Variants in LRRC37A2 observed in about 807,000 individuals in gnomAD.
LRRC37A2 encodes the protein leucine rich repeat containing 37 member A2.
LRRC37A2 carries 9 observed loss-of-function variants against 68.8 expected under a neutral mutation model. That is an observed-to-expected ratio of 0.13 (90% CI 0.08 to 0.23). The LOEUF (loss-of-function observed/expected upper bound fraction) is 0.23. Ranked by LOEUF, LRRC37A2 falls within the 10% of genes least tolerant of loss-of-function variation. The probability of loss-of-function intolerance (pLI) is 1.00; values close to 1 mark genes in which losing one functional copy is unlikely to be tolerated. For missense variants in LRRC37A2, 168 were observed against 950.4 expected (o/e 0.18, Z 10.82); for synonymous variants, 63 against 367.6 (o/e 0.17, Z 9.48).
chr17:46,816,468 A>AACACAC, the LRRC37A2 span, among the ~76,000 whole-genome samples: 8 of 96,528 alleles, frequency 8.3e-5, no homozygotes, highest in Non-Finnish European at 1.4e-4. Flanking sequence ...ATAGACCCAG[A>AACACAC]ACACACGCAC....
the LRRC37A2 span, among the ~76,000 whole-genome samples, chr17:46,928,177 A>G: frequency 4.6e-5 from 7 of 152,110 alleles, no homozygotes; most frequent in African/African-American, 1.7e-4. Flanking sequence ...TCAGGGCCAC[A>G]GGTCTTGCCT....
chr17:46,767,774 T>A, the LRRC37A2 span, among the ~76,000 whole-genome samples: 1 of 149,624 alleles, frequency 6.7e-6, no homozygotes, highest in East Asian at 2.0e-4. Context: ...CTGAATTTTG[T>A]TTTTTTTTGT....
At chr17:46,771,935 C>T in the LRRC37A2 span, among the ~76,000 whole-genome samples, 1 of 147,014 alleles carries the variant, frequency 6.8e-6, no homozygotes, top group Non-Finnish European at 1.5e-5. Context: ...GCCCGCCGCG[C>T]CGCCGCCGCG....
the LRRC37A2 span, among the ~76,000 whole-genome samples, chr17:46,872,197 C>T: frequency 6.6e-6 from 1 of 152,172 alleles, no homozygotes; most frequent in Admixed American, 6.5e-5. Flanking sequence ...CCCAGAATTG[C>T]CCAGCATGGA....
chr17:46,839,960 CTTTCT>C, the LRRC37A2 span, among the ~76,000 whole-genome samples: 3 of 145,688 alleles, frequency 2.1e-5, no homozygotes, highest in African/African-American at 7.6e-5. Flanking sequence ...TTCTTTCTTT[CTTTCT>C]TTCTTTCTTT....
the LRRC37A2 span, among the ~76,000 whole-genome samples, chr17:46,499,348 A>G: frequency 1.4e-5 from 2 of 146,382 alleles, no homozygotes; most frequent in Admixed American, 6.8e-5. Context: ...TGGGGGGACA[A>G]TGTTACTCTT....
chr17:46,386,041 G>C, the LRRC37A2 span, among the ~76,000 whole-genome samples: 1 of 120,948 alleles, frequency 8.3e-6, no homozygotes, highest in Non-Finnish European at 1.9e-5. Context: ...TTTTGCTGCA[G>C]TATGGTGAAT....
chr17:46,894,142 G>C, the LRRC37A2 span, among the ~76,000 whole-genome samples: 1 of 152,202 alleles, frequency 6.6e-6, no homozygotes, highest in Non-Finnish European at 1.5e-5. Flanking sequence ...AACACTGTTG[G>C]GTTGCGATGG....
At chr17:47,035,689 C>T in the LRRC37A2 span, among the ~76,000 whole-genome samples, 1 of 152,216 alleles carries the variant, frequency 6.6e-6, no homozygotes, top group Non-Finnish European at 1.5e-5. Context: ...AGCAGAATTG[C>T]TAGATCATAT....
At chr17:46,718,784 T>G in the LRRC37A2 span, among the ~76,000 whole-genome samples, 3 of 152,218 alleles carry the variant, frequency 2.0e-5, no homozygotes, top group Non-Finnish European at 4.4e-5. Flanking sequence ...AGATGGTAAT[T>G]TCTGTAAAGT....
the LRRC37A2 span, among the ~76,000 whole-genome samples, chr17:46,972,006 G>A: frequency 6.6e-6 from 1 of 152,210 alleles, no homozygotes; most frequent in African/African-American, 2.4e-5. Context: ...AGAGGGCACA[G>A]GGCACGTGGG....
the LRRC37A2 span, among the ~76,000 whole-genome samples, chr17:46,800,434 C>T: frequency 6.6e-6 from 1 of 152,340 alleles, no homozygotes; most frequent in Admixed American, 6.5e-5. Flanking sequence ...CCTAACTGTG[C>T]TCCTGCAACA....
At chr17:46,847,821 T>C in the LRRC37A2 span, among the ~76,000 whole-genome samples, 118 of 152,240 alleles carry the variant, frequency 7.8e-4, no homozygotes, top group South Asian at 2.7e-3. Flanking sequence ...CAAAGGCGGA[T>C]GGTTCCTGAG....
chr17:46,902,860 C>T, the LRRC37A2 span, among the ~76,000 whole-genome samples: 1 of 152,178 alleles, frequency 6.6e-6, no homozygotes, highest in Non-Finnish European at 1.5e-5. Context: ...CATGACTCAC[C>T]TAAGCCAGGT....
At chr17:46,752,240 T>C in the LRRC37A2 span, among the ~76,000 whole-genome samples, 1 of 152,198 alleles carries the variant, frequency 6.6e-6, no homozygotes, top group East Asian at 1.9e-4. Flanking sequence ...TCTTTGGGAC[T>C]TTCTCATATC....
chr17:46,809,500 C>CGCAGTTTT, the LRRC37A2 span, among the ~76,000 whole-genome samples: 1 of 152,186 alleles, frequency 6.6e-6, no homozygotes, highest in Non-Finnish European at 1.5e-5. Flanking sequence ...ACTCAGTCCT[C>CGCAGTTTT]GCAGTTTTTC....
chr17:46,771,419 G>A, the LRRC37A2 span, among the ~76,000 whole-genome samples: 6 of 151,196 alleles, frequency 4.0e-5, no homozygotes, highest in African/African-American at 1.5e-4. Flanking sequence ...CTCGTTTCCG[G>A]CCGGCCTGCG....
At chr17:46,457,930 A>AAC in the LRRC37A2 span, among the ~76,000 whole-genome samples, 6,778 of 40,088 alleles carry the variant, frequency 0.17, 740 homozygotes, top group Admixed American at 0.33. Context: ...TCATAAGGAA[A>AAC]ACACACACAC....
At chr17:46,716,305 G>A in the LRRC37A2 span, among the ~76,000 whole-genome samples, 3 of 148,886 alleles carry the variant, frequency 2.0e-5, no homozygotes, top group African/African-American at 7.4e-5. Flanking sequence ...CGCCCAGGCT[G>A]GAGTACAGTG....
Sources: allele counts gnomAD v4.1 joint callset (sites outside exome capture counted in the v4.1 genomes callset), GRCh38; gene constraint gnomAD v4.1.1; transcripts MANE v1.5; gene names NCBI Gene and HGNC (gene_info 2026-07-23, HGNC 2026-07-21).